The following CFAP58 variants were observed in gnomAD, a reference collection of about 807,000 sequenced individuals.
CFAP58 encodes cilia and flagella associated protein 58.
Under a neutral mutation model 119.5 loss-of-function variants are expected in CFAP58, and 88 were observed. The ratio of observed to expected loss-of-function variants is 0.74; its 90% CI spans 0.62 to 0.88. CFAP58 has a LOEUF of 0.88. CFAP58 is among the 40% of genes least tolerant of loss of function. The pLI is 0.00. For synonymous variants in CFAP58, 365 were observed against 366.3 expected (o/e 1.00, Z 0.04); for missense variants, 990 against 1,021.2 (o/e 0.97, Z 0.42).
At chr10:104,437,514 G>A (rs2012953812) in intron 15 of CFAP58, among the ~76,000 whole-genome samples, 1 of 152,144 alleles carries the variant, frequency 6.6e-6, no homozygotes, top group African/African-American at 2.4e-5. Flanking sequence ...ATGCAAATAT[G>A]ATGCAAGGTA....
chr10:104,357,925 A>G (rs1215338201), intron 1 of CFAP58, among the ~76,000 whole-genome samples: 1 of 71,842 alleles, frequency 1.4e-5, no homozygotes. Flanking sequence ...ATATATGTAC[A>G]CATATACACA....
At chr10:104,422,319 T>C (rs2012672944) in intron 15 of CFAP58, among the ~76,000 whole-genome samples, 1 of 152,258 alleles carries the variant, frequency 6.6e-6, no homozygotes, top group African/African-American at 2.4e-5. Flanking sequence ...CCATCCATTC[T>C]TAGAGCAGTC....
chr10:104,395,803 T>A (rs1589920776), intron 11 of CFAP58, among the ~76,000 whole-genome samples: 1 of 152,184 alleles, frequency 6.6e-6, no homozygotes, highest in Non-Finnish European at 1.5e-5. Context: ...GGGTACATAA[T>A]CCCTCTTGGA....
chr10:104,369,031 T>G (rs906981333), intron 6 of CFAP58, among the ~76,000 whole-genome samples: 1 of 152,240 alleles, frequency 6.6e-6, no homozygotes, highest in Non-Finnish European at 1.5e-5. Context: ...ACAGATTTCC[T>G]ATTCTTCTCC....
At chr10:104,434,018 C>T (rs1435868596) in intron 15 of CFAP58, among the ~76,000 whole-genome samples, 1 of 152,122 alleles carries the variant, frequency 6.6e-6, no homozygotes, top group Non-Finnish European at 1.5e-5. Flanking sequence ...GAGTGTGTGG[C>T]TCTAGGCTTA....
chr10:104,374,138 T>C (rs1188834727), intron 7 of CFAP58, among the ~76,000 whole-genome samples: 1 of 152,102 alleles, frequency 6.6e-6, no homozygotes, highest in African/African-American at 2.4e-5. Flanking sequence ...CAGAGCTCTT[T>C]GTTACATGTA....
chr10:104,371,002 A>G lies in CFAP58; in HGVS notation c.1038A>G (p.Glu346=), dbSNP rs199645912. The G allele has an allele frequency of 2.7e-4, 443 of 1,613,570 alleles. 1 individual carries two copies. The highest frequency in any genetic ancestry group is 3.6e-4 in the Non-Finnish European group (420 of 1,179,900). The change falls in exon 7 of 18, where the codon GAA becomes GAG. Residue 346 remains glutamate (E), a synonymous_variant. Coordinates refer to ENST00000369704, the MANE Select transcript of CFAP58 (RefSeq NM_001008723.2). The part of the protein sequence containing the change: ...KLHHTEDQKA[E]VEQHKETLKN... ...ACCACACCGAAGATCAAAAGGCAGA[A>G]GTCGAACAGCACAAAGAAACCCTAA...
At chr10:104,454,213 T>C (rs1338791227) in intron 17 of CFAP58, among the ~76,000 whole-genome samples, 1 of 152,166 alleles carries the variant, frequency 6.6e-6, no homozygotes, top group Non-Finnish European at 1.5e-5. Flanking sequence ...AAATAAACAT[T>C]AGGAGAGCAT....
chr10:104,367,026 T>G (rs1455761928), intron 5 of CFAP58, among the ~76,000 whole-genome samples: 1 of 151,868 alleles, frequency 6.6e-6, no homozygotes, highest in African/African-American at 2.4e-5. Flanking sequence ...GCCTGGCTAA[T>G]TTTTATATTT....
At chr10:104,453,898 A>G (rs1589942094) in intron 17 of CFAP58, among the ~76,000 whole-genome samples, 1 of 152,026 alleles carries the variant, frequency 6.6e-6, no homozygotes, top group Admixed American at 6.6e-5. Flanking sequence ...CTTTTCTTGT[A>G]TCTTCAACTA....
At chr10:104,444,726 C>A (rs141011827) in intron 15 of CFAP58, among the ~76,000 whole-genome samples, 3 of 152,230 alleles carry the variant, frequency 2.0e-5, no homozygotes, top group African/African-American at 7.2e-5. Context: ...CCAAAATTCA[C>A]GCACAGTGAA....
chr10:104,422,902 C>T (rs755228719), intron 15 of CFAP58, among the ~76,000 whole-genome samples: 4 of 152,200 alleles, frequency 2.6e-5, no homozygotes, highest in Non-Finnish European at 5.9e-5. Context: ...GTACCACAGT[C>T]TCCTTTCTTT....
At chr10:104,413,705 TAC>T (rs1491376304) in intron 15 of CFAP58, among the ~76,000 whole-genome samples, 33 of 128,544 alleles carry the variant, frequency 2.6e-4, no homozygotes, top group African/African-American at 9.9e-4. Context: ...TGGGTATCAT[TAC>T]ATCATCATCA....
chr10:104,378,123 T>A (rs748464699), intron 8 of CFAP58, among the ~76,000 whole-genome samples: 3 of 152,230 alleles, frequency 2.0e-5, no homozygotes, highest in African/African-American at 4.8e-5. Context: ...TATTTTTTAT[T>A]TCCTGGCCTT....
At chr10:104,438,444 C>T (rs533190662) in intron 15 of CFAP58, among the ~76,000 whole-genome samples, 2 of 145,964 alleles carry the variant, frequency 1.4e-5, no homozygotes, top group African/African-American at 2.5e-5. Context: ...GGCGCAATCT[C>T]GGCTCACTGC....
the CFAP58 span, among the ~76,000 whole-genome samples, chr10:104,344,438 G>A: frequency 3.3e-5 from 5 of 152,314 alleles, no homozygotes; most frequent in East Asian, 9.6e-4. Context: ...TATTGGCTCA[G>A]CCATGGCCAT....
At chr10:104,380,314 A>G in intron 9 of CFAP58, 94 bp downstream of exon 9, 1 of 1,176,702 alleles carries the variant, frequency 8.5e-7, no homozygotes, top group Non-Finnish European at 1.2e-6. Flanking sequence ...GAATTTATTC[A>G]GATTTCTGTT....
intron 9 of CFAP58, among the ~76,000 whole-genome samples, chr10:104,383,140 G>A (rs2011851428): frequency 6.6e-6 from 1 of 152,160 alleles, no homozygotes; most frequent in Non-Finnish European, 1.5e-5. Context: ...TCCTTTCTCT[G>A]CATGGCACAT....
intron 1 of CFAP58, among the ~76,000 whole-genome samples, chr10:104,355,099 T>G (rs1427747033): frequency 6.6e-6 from 1 of 152,208 alleles, no homozygotes; most frequent in African/African-American, 2.4e-5. Context: ...CACATCTCTC[T>G]CTGACATCCA....
Sources: gnomAD v4.1 joint callset for allele counts (sites outside exome capture counted in the v4.1 genomes callset) on GRCh38, gnomAD v4.1.1 for gene constraint, MANE v1.5 for transcripts, NCBI Gene and HGNC (gene_info 2026-07-23, HGNC 2026-07-21) for gene names.